Variants in PLPPR1 observed in about 807,000 individuals in gnomAD.
The protein encoded by PLPPR1 is phospholipid phosphatase related 1.
A neutral mutation model predicts 33.1 loss-of-function variants in PLPPR1; 10 were observed. The ratio of observed to expected loss-of-function variants is 0.30; its 90% CI spans 0.19 to 0.51. The LOEUF (loss-of-function observed/expected upper bound fraction) is 0.51, where lower values mean the gene tolerates loss of function less well. Among genes scored for constraint, PLPPR1 ranks in the 20% least tolerant of loss-of-function variants. The pLI is 0.97. For missense variants in PLPPR1, 304 were observed against 408.1 expected (o/e 0.74, Z 2.20); for synonymous variants, 151 against 151.0 (o/e 1.00, Z 0.00).
intron 2 of PLPPR1, among the ~76,000 whole-genome samples, chr9:101,249,063 T>C (rs1329005494): frequency 6.6e-6 from 1 of 152,092 alleles, no homozygotes; most frequent in Non-Finnish European, 1.5e-5. Context: ...TTATACCAAA[T>C]TCCACGCCAA....
At chr9:101,038,462 T>A (rs1830037380) in intron 1 of PLPPR1, among the ~76,000 whole-genome samples, 1 of 152,198 alleles carries the variant, frequency 6.6e-6, no homozygotes, top group Non-Finnish European at 1.5e-5. Flanking sequence ...TGGCAAAAGC[T>A]GTAAATTCTC....
At chr9:101,031,868 G>A (rs1829949447) in intron 1 of PLPPR1, among the ~76,000 whole-genome samples, 1 of 152,294 alleles carries the variant, frequency 6.6e-6, no homozygotes. Context: ...GAGCCATTGA[G>A]GGTGAACAGC....
intron 2 of PLPPR1, among the ~76,000 whole-genome samples, chr9:101,225,803 G>A (rs563430008): frequency 3.3e-4 from 47 of 141,498 alleles, no homozygotes; most frequent in Admixed American, 3.1e-3. Context: ...TAGAGACAGC[G>A]ATCTGGTGGA....
chr9:101,251,799 A>T (rs957585592), intron 2 of PLPPR1, among the ~76,000 whole-genome samples: 7 of 152,092 alleles, frequency 4.6e-5, no homozygotes, highest in Admixed American at 2.6e-4. Context: ...CTCTGTACTG[A>T]TATAGAAGGA....
chr9:101,069,041 A>G (rs940003203), intron 1 of PLPPR1, among the ~76,000 whole-genome samples: 21 of 152,028 alleles, frequency 1.4e-4, no homozygotes, highest in South Asian at 1.2e-3. Context: ...CCCTGGTGGC[A>G]TTTAAGATGA....
At chr9:101,177,821 A>T (rs989488031) in intron 1 of PLPPR1, among the ~76,000 whole-genome samples, 5 of 152,058 alleles carry the variant, frequency 3.3e-5, no homozygotes, top group African/African-American at 1.2e-4. Flanking sequence ...GTCTTTTCTG[A>T]TAATTCCCAA....
chr9:101,192,177 T>C (rs1223691842), intron 2 of PLPPR1, among the ~76,000 whole-genome samples: 1 of 152,204 alleles, frequency 6.6e-6, no homozygotes, highest in Non-Finnish European at 1.5e-5. Context: ...GAATTTCTCT[T>C]GGCCTTGCTT....
At chr9:101,275,842 T>C (rs1433300346) in intron 3 of PLPPR1, among the ~76,000 whole-genome samples, 1 of 152,190 alleles carries the variant, frequency 6.6e-6, no homozygotes, top group African/African-American at 2.4e-5. Flanking sequence ...ATAGCTCACA[T>C]TTTGTATGCA....
At chr9:101,319,623 A>G (rs905226906) in intron 7 of PLPPR1, among the ~76,000 whole-genome samples, 1 of 152,174 alleles carries the variant, frequency 6.6e-6, no homozygotes, top group Non-Finnish European at 1.5e-5. Flanking sequence ...ATATTAACAA[A>G]AATATTTCTG....
At chr9:101,234,850 A>G (rs1827267496) in intron 2 of PLPPR1, among the ~76,000 whole-genome samples, 5 of 151,918 alleles carry the variant, frequency 3.3e-5, no homozygotes, top group African/African-American at 4.8e-5. Context: ...AATCAGAGAA[A>G]TTTATTGATG....
chr9:101,077,458 G>T (rs531283042), intron 1 of PLPPR1, among the ~76,000 whole-genome samples: 2 of 152,148 alleles, frequency 1.3e-5, no homozygotes, highest in Non-Finnish European at 2.9e-5. Flanking sequence ...ACATTAGTGG[G>T]TATGTTATGC....
At chr9:101,258,039 C>T (rs938914948) in intron 2 of PLPPR1, among the ~76,000 whole-genome samples, 3 of 152,148 alleles carry the variant, frequency 2.0e-5, no homozygotes, top group Non-Finnish European at 2.9e-5. Context: ...CTAAAAGCCA[C>T]ACGTTAGGCA....
At chr9:101,127,415 C>G (rs1159859477) in intron 1 of PLPPR1, among the ~76,000 whole-genome samples, 1 of 152,240 alleles carries the variant, frequency 6.6e-6, no homozygotes, top group African/African-American at 2.4e-5. Context: ...AGGCCCTGAG[C>G]TCTGGGAGCC....
chr9:101,267,268 T>C (rs1828015333), intron 2 of PLPPR1, among the ~76,000 whole-genome samples: 2 of 152,252 alleles, frequency 1.3e-5, no homozygotes, highest in Admixed American at 1.3e-4. Context: ...TTTGATTTTA[T>C]AAACTAGCTG....
chr9:101,074,736 G>A (rs994445225), intron 1 of PLPPR1, among the ~76,000 whole-genome samples: 2 of 152,026 alleles, frequency 1.3e-5, no homozygotes, highest in Non-Finnish European at 2.9e-5. Context: ...TGGTGTATGA[G>A]TATGTTTGTA....
At chr9:101,111,131 A>T (rs1435448998) in intron 1 of PLPPR1, among the ~76,000 whole-genome samples, 2 of 152,138 alleles carry the variant, frequency 1.3e-5, no homozygotes, top group African/African-American at 4.8e-5. Flanking sequence ...ATACCAAAAC[A>T]TGACTAGCGG....
intron 3 of PLPPR1, among the ~76,000 whole-genome samples, chr9:101,279,528 C>T (rs1346622194): frequency 6.6e-6 from 1 of 152,208 alleles, no homozygotes; most frequent in East Asian, 1.9e-4. Context: ...AATACACATT[C>T]TCCTCCTCAG....
At chr9:101,056,514 A>G (rs1159722870) in intron 1 of PLPPR1, among the ~76,000 whole-genome samples, 1 of 152,138 alleles carries the variant, frequency 6.6e-6, no homozygotes, top group Non-Finnish European at 1.5e-5. Flanking sequence ...GGGCTAGTAT[A>G]TTTTTGTTTT....
intron 7 of PLPPR1, 108 bp downstream of exon 7, chr9:101,317,604 A>G: frequency 8.7e-7 from 1 of 1,144,728 alleles, no homozygotes; most frequent in Non-Finnish European, 1.2e-6. Context: ...TGAGAATCTG[A>G]TTAATTTATT....
Sources: gnomAD v4.1 joint callset for allele counts (sites outside exome capture counted in the v4.1 genomes callset) on GRCh38, gnomAD v4.1.1 for gene constraint, MANE v1.5 for transcripts, NCBI Gene and HGNC (gene_info 2026-07-23, HGNC 2026-07-21) for gene names.